PLCL1: variants seen among roughly 807,000 people sequenced by gnomAD.
PLCL1 encodes the protein phospholipase C like 1 (inactive).
In PLCL1, 41 loss-of-function variants were observed where a neutral mutation model predicts 84.4. The observed-to-expected ratio is 0.49, with a 90% CI of 0.38 to 0.63. The LOEUF (loss-of-function observed/expected upper bound fraction) is 0.63. Among genes scored for constraint, PLCL1 ranks in the 30% least tolerant of loss-of-function variants. The pLI is 0.00. For synonymous variants in PLCL1, 490 were observed against 488.3 expected, an observed-to-expected ratio of 1.00 and a Z score of -0.05; for missense variants, 1,206 against 1,367.8, an observed-to-expected ratio of 0.88 and a Z score of 1.87.
intron 1 of PLCL1, among the ~76,000 whole-genome samples, chr2:197,862,447 A>G (rs1687449033): frequency 6.6e-6 from 1 of 152,184 alleles, no homozygotes; most frequent in African/African-American, 2.4e-5. Context: ...ATTAGTCAAG[A>G]CATTTAGTTG....
chr2:198,098,823 G>C (rs942729612), intron 3 of PLCL1, among the ~76,000 whole-genome samples: 1 of 152,036 alleles, frequency 6.6e-6, no homozygotes, highest in South Asian at 2.1e-4. Flanking sequence ...CACAAAAGCT[G>C]GACAATTTAA....
In PLCL1 at chr2:198,084,449, G is replaced by T. The variant is rs1377339177; in HGVS notation, c.932G>T (p.Cys311Phe). ...EEFCEAFCELCTRPEVYFLLV... is the reference protein window; with the variant it reads ...EEFCEAFCELFTRPEVYFLLV... ...TTTTGTGAAGCTTTTTGTGAACTTT[G>T]CACCAGGCCAGAAGTGTATTTCTTA... The change falls in exon 2 of 6, where the codon TGC becomes TTC. Residue 311 changes from cysteine to phenylalanine, a missense_variant. Physicochemically the swap from Cys to Phe is radical, Grantham distance 205 (BLOSUM62 -2). Coordinates refer to ENST00000428675, the MANE Select transcript of PLCL1 (RefSeq NM_006226.4). 6.2e-7 allele frequency: 1 copy of T among 1,613,966 alleles called. No individual in the cohort carries two copies. Among genetic ancestry groups the T allele is most frequent in the East Asian group, 2.2e-5 (1 of 44,896 alleles).
intron 5 of PLCL1, among the ~76,000 whole-genome samples, chr2:198,129,209 T>A (rs1559114679): frequency 6.6e-6 from 1 of 152,156 alleles, no homozygotes; most frequent in Non-Finnish European, 1.5e-5. Flanking sequence ...TTTCCAGGTC[T>A]TTTTCTGATC....
At chr2:197,928,036 A>ATT (rs35325683) in intron 1 of PLCL1, among the ~76,000 whole-genome samples, 1 of 151,856 alleles carries the variant, frequency 6.6e-6, no homozygotes, top group Non-Finnish European at 1.5e-5. Context: ...TGATGGTATG[A>ATT]TTTTTTTGAC....
At chr2:198,024,762 C>CAAAAAA (rs74507483) in intron 1 of PLCL1, among the ~76,000 whole-genome samples, 3 of 139,264 alleles carry the variant, frequency 2.2e-5, no homozygotes, top group Non-Finnish European at 4.7e-5. Flanking sequence ...AAATCTATCT[C>CAAAAAA]AAAAAAAAAA....
intron 1 of PLCL1, among the ~76,000 whole-genome samples, chr2:197,892,330 T>A (rs1451604053): frequency 6.6e-6 from 1 of 152,180 alleles, no homozygotes; most frequent in Non-Finnish European, 1.5e-5. Context: ...AAACTGACTG[T>A]CTGATCCTAA....
chr2:198,047,285 G>A (rs1453481009), intron 1 of PLCL1, among the ~76,000 whole-genome samples: 3 of 152,096 alleles, frequency 2.0e-5, no homozygotes, highest in Non-Finnish European at 4.4e-5. Context: ...CTAGGTTCAA[G>A]TGAATCTCCC....
chr2:197,894,217 C>T (rs1688088821), intron 1 of PLCL1, among the ~76,000 whole-genome samples: 1 of 151,940 alleles, frequency 6.6e-6, no homozygotes, highest in Non-Finnish European at 1.5e-5. Flanking sequence ...TTAGCTTTGT[C>T]AACCTTAAAA....
chr2:197,978,382 C>T (rs188594949), intron 1 of PLCL1, among the ~76,000 whole-genome samples: 32 of 152,252 alleles, frequency 2.1e-4, no homozygotes, highest in African/African-American at 7.7e-4. Flanking sequence ...GAGGCTGAGG[C>T]AGGAGAATGG....
chr2:198,139,363 T>C (rs1428370786), intron 5 of PLCL1, among the ~76,000 whole-genome samples: 1 of 152,222 alleles, frequency 6.6e-6, no homozygotes, highest in East Asian at 1.9e-4. Flanking sequence ...GTTTTCATAC[T>C]AGTGTCTGTC....
At chr2:197,827,937 A>T (rs1412526780) in intron 1 of PLCL1, among the ~76,000 whole-genome samples, 2 of 148,082 alleles carry the variant, frequency 1.4e-5, no homozygotes, top group Non-Finnish European at 1.5e-5. Context: ...CTATGTTTCT[A>T]TTACTCTCAC....
chr2:197,975,164 A>G (rs1689949873), intron 1 of PLCL1, among the ~76,000 whole-genome samples: 1 of 151,172 alleles, frequency 6.6e-6, no homozygotes, highest in South Asian at 2.1e-4. Context: ...AAAAAAAAAA[A>G]AAAAAAAAAA....
intron 1 of PLCL1, among the ~76,000 whole-genome samples, chr2:197,972,103 A>G (rs1689880438): frequency 6.6e-6 from 1 of 152,232 alleles, no homozygotes; most frequent in South Asian, 2.1e-4. Flanking sequence ...TCATGGTGGC[A>G]TCTTATCTGA....
chr2:197,931,675 A>C (rs10168393), intron 1 of PLCL1, among the ~76,000 whole-genome samples: 24,842 of 90,438 alleles, frequency 0.27, 2,293 homozygotes, highest in Middle Eastern at 0.48. Flanking sequence ...CAACCAACCA[A>C]CCACCCACCC....
chr2:198,088,541 G>A (rs1224403902), intron 2 of PLCL1, among the ~76,000 whole-genome samples: 3 of 152,188 alleles, frequency 2.0e-5, no homozygotes, highest in Non-Finnish European at 4.4e-5. Flanking sequence ...ATGCACTCCA[G>A]TGTACAACCC....
At chr2:198,093,955 T>TATAA (rs949401505) in intron 3 of PLCL1, among the ~76,000 whole-genome samples, 49 of 152,216 alleles carry the variant, frequency 3.2e-4, no homozygotes, top group Non-Finnish European at 5.4e-4. Context: ...TATTACCCAC[T>TATAA]ATAAATAAAT....
intron 1 of PLCL1, among the ~76,000 whole-genome samples, chr2:197,878,364 G>A (rs944173363): frequency 4.6e-5 from 7 of 152,214 alleles, no homozygotes; most frequent in African/African-American, 1.7e-4. Context: ...CATTTGACTT[G>A]TTACTGAAAA....
intron 5 of PLCL1, among the ~76,000 whole-genome samples, chr2:198,144,746 ATC>A (rs1192686556): frequency 6.6e-6 from 1 of 152,108 alleles, no homozygotes; most frequent in Non-Finnish European, 1.5e-5. Flanking sequence ...TCTGGATGCT[ATC>A]TCTAAATTGT....
At chr2:198,036,560 A>G (rs1271546171) in intron 1 of PLCL1, among the ~76,000 whole-genome samples, 1 of 152,198 alleles carries the variant, frequency 6.6e-6, no homozygotes, top group East Asian at 1.9e-4. Context: ...GGTTCCTTCT[A>G]TATCATAGAA....
Sources: allele counts gnomAD v4.1 joint callset (sites outside exome capture counted in the v4.1 genomes callset), GRCh38; gene constraint gnomAD v4.1.1; transcripts MANE v1.5; gene names NCBI Gene and HGNC (gene_info 2026-07-23, HGNC 2026-07-21).